The following ERC1 variants were observed in gnomAD, a reference collection of about 807,000 sequenced individuals.
ERC1 encodes ELKS/RAB6-interacting/CAST family member 1, also known as RAB6 interacting protein 2.
In ERC1, 56 loss-of-function variants were observed where a neutral mutation model predicts 132.0. The observed-to-expected ratio is 0.42, with a 90% CI of 0.34 to 0.53. ERC1 has a LOEUF of 0.53. ERC1 is among the 20% of genes least tolerant of loss of function. The pLI is 0.03. For synonymous variants in ERC1, 478 were observed against 476.1 expected (o/e 1.00, Z -0.05); for missense variants, 1,202 against 1,349.9 (o/e 0.89, Z 1.72).
intron 7 of ERC1, among the ~76,000 whole-genome samples, chr12:1,117,813 A>G (rs1473096997): frequency 6.6e-6 from 1 of 152,216 alleles, no homozygotes; most frequent in Non-Finnish European, 1.5e-5. Context: ...TAGTATTTAG[A>G]TGATCTGCAT....
At position 1,279,885 on chromosome 12, in the gene ERC1, G is replaced by A. The variant is rs566272095; in HGVS notation, c.2620-9967G>A. ...TAATTTTTGTATTTTTAGTAAAGAC[G>A]AGGTTTCACCATGTTGGCCAGGCTG... On this transcript the variant is annotated intron_variant, in intron 14 of 18. Coordinates refer to ENST00000360905, the MANE Select transcript of ERC1 (RefSeq NM_178040.4). Among the ~76,000 whole-genome samples, 6 of 152,008 alleles carry A rather than the reference G, an allele frequency of 3.9e-5. No individual in the cohort carries two copies. In the South Asian group the frequency reaches 6.2e-4, roughly 16 times the overall value.
chr12:1,272,698 C>T (rs1225139476), intron 14 of ERC1, among the ~76,000 whole-genome samples: 1 of 151,966 alleles, frequency 6.6e-6, no homozygotes, highest in African/African-American at 2.4e-5. Flanking sequence ...ACCTGTAATC[C>T]CAGCACTTTG....
intron 15 of ERC1, among the ~76,000 whole-genome samples, chr12:1,349,310 T>C (rs997351660): frequency 2.0e-5 from 3 of 152,150 alleles, no homozygotes; most frequent in Non-Finnish European, 4.4e-5. Flanking sequence ...TAAAGTGAGA[T>C]TGATTAGGAT....
intron 15 of ERC1, among the ~76,000 whole-genome samples, chr12:1,323,971 G>A (rs1337378350): frequency 2.6e-5 from 4 of 151,946 alleles, no homozygotes; most frequent in Non-Finnish European, 4.4e-5. Flanking sequence ...ACCACCCCCT[G>A]CCCTCCCACC....
At chr12:1,274,621 T>C (rs1287867918) in intron 14 of ERC1, among the ~76,000 whole-genome samples, 1 of 152,066 alleles carries the variant, frequency 6.6e-6, no homozygotes, top group African/African-American at 2.4e-5. Flanking sequence ...GCCTCCCAGG[T>C]AGCTGGGATT....
intron 8 of ERC1, among the ~76,000 whole-genome samples, chr12:1,161,639 T>A (rs1951896141): frequency 6.6e-6 from 1 of 152,200 alleles, no homozygotes; most frequent in Non-Finnish European, 1.5e-5. Context: ...AGATTTTCAA[T>A]CAAAAACTGT....
chr12:1,106,413 TTGTTGATA>T (rs1438402149), intron 4 of ERC1, among the ~76,000 whole-genome samples: 2 of 152,338 alleles, frequency 1.3e-5, no homozygotes, highest in South Asian at 4.1e-4. Flanking sequence ...CATTTAATAT[TTGTTGATA>T]TGACAAGAAT....
chr12:1,189,191 G>T (rs1347669525), intron 11 of ERC1, among the ~76,000 whole-genome samples: 1 of 152,186 alleles, frequency 6.6e-6, no homozygotes, highest in Non-Finnish European at 1.5e-5. Flanking sequence ...GGGATTACAG[G>T]CTCAAGCCAC....
chr12:1,037,653 T>C (rs1270337783), intron 2 of ERC1, among the ~76,000 whole-genome samples: 7 of 152,220 alleles, frequency 4.6e-5, no homozygotes, highest in Non-Finnish European at 2.9e-5. Context: ...CTTTTTTCTT[T>C]CTTTGTTAGT....
rs371117235 is a variant in ERC1, at chr12:1,196,619, G to A, written c.2351+6567G>A. On this transcript the variant is annotated intron_variant, in intron 12 of 18. Coordinates refer to ENST00000360905, the MANE Select transcript of ERC1 (RefSeq NM_178040.4). ...AGCGATCCTCCCACCTCCGTGTCTT[G>A]AGTAGGTGGGACCACAGGCACACAC... is the stretch of plus-strand genomic sequence containing the variant. Among the ~76,000 whole-genome samples the A allele has an allele frequency of 9.9e-5, 15 of 150,802 alleles. No homozygotes were observed. The East Asian group carries it at 2.0e-3, about 20-fold the overall frequency.
At chr12:1,031,353 A>G (rs1968000579) in intron 2 of ERC1, among the ~76,000 whole-genome samples, 1 of 152,162 alleles carries the variant, frequency 6.6e-6, no homozygotes, top group Non-Finnish European at 1.5e-5. Flanking sequence ...TGTTGGTATT[A>G]TGCTGTGACC....
At chr12:1,005,058 A>G (rs1472844805) in intron 1 of ERC1, among the ~76,000 whole-genome samples, 1 of 152,196 alleles carries the variant, frequency 6.6e-6, no homozygotes, top group Non-Finnish European at 1.5e-5. Flanking sequence ...TTCTACCTTC[A>G]TGGTAGTATT....
intron 17 of ERC1, among the ~76,000 whole-genome samples, chr12:1,442,915 T>A (rs2093198032): frequency 6.6e-6 from 1 of 152,234 alleles, no homozygotes; most frequent in Admixed American, 6.5e-5. Flanking sequence ...TTTTTATTTT[T>A]TTTTATTTTT....
chr12:1,310,986 C>A (rs2081263144), intron 15 of ERC1, among the ~76,000 whole-genome samples: 1 of 152,232 alleles, frequency 6.6e-6, no homozygotes, highest in South Asian at 2.1e-4. Context: ...GTGTTCACCT[C>A]TTTCTTCAAA....
intron 1 of ERC1, among the ~76,000 whole-genome samples, chr12:992,728 G>A (rs192342942): frequency 6.6e-6 from 1 of 152,328 alleles, no homozygotes; most frequent in African/African-American, 2.4e-5. Flanking sequence ...CTTGCTCCCT[G>A]TTAGATTACA....
intron 1 of ERC1, among the ~76,000 whole-genome samples, chr12:993,185 G>A (rs1592540726): frequency 6.6e-6 from 1 of 152,154 alleles, no homozygotes; most frequent in Non-Finnish European, 1.5e-5. Flanking sequence ...AATTCATTTG[G>A]TAAAGTGAAC....
At chr12:1,310,224 A>G (rs78970659) in intron 15 of ERC1, among the ~76,000 whole-genome samples, 54,810 of 144,888 alleles carry the variant, frequency 0.38, 10,270 homozygotes, top group Middle Eastern at 0.48. Flanking sequence ...ATTTTATTTT[A>G]TTTTATTTTA....
At chr12:1,245,793 C>A (rs2154310238) in intron 13 of ERC1, among the ~76,000 whole-genome samples, 1 of 152,290 alleles carries the variant, frequency 6.6e-6, no homozygotes. Flanking sequence ...CTTACGATGT[C>A]ATGGTGCCAC....
chr12:1,030,700 G>A (rs1226223669), intron 2 of ERC1, among the ~76,000 whole-genome samples: 1 of 152,176 alleles, frequency 6.6e-6, no homozygotes, highest in Non-Finnish European at 1.5e-5. Flanking sequence ...CAGCCTGGGT[G>A]AGAGTGAGAC....
Sources: allele counts gnomAD v4.1 joint callset (sites outside exome capture counted in the v4.1 genomes callset), GRCh38; gene constraint gnomAD v4.1.1; transcripts MANE v1.5; gene names NCBI Gene and HGNC (gene_info 2026-07-23, HGNC 2026-07-21).